PLCB1: variants seen among roughly 807,000 people sequenced by gnomAD.
PLCB1 encodes the protein phospholipase C beta 1.
PLCB1 carries 46 observed loss-of-function variants against 161.8 expected under a neutral mutation model. The observed-to-expected ratio is 0.28, with a 90% CI of 0.22 to 0.36. The LOEUF (loss-of-function observed/expected upper bound fraction) is 0.36, where lower values mean the gene tolerates loss of function less well. PLCB1 is among the 10% of genes least tolerant of loss of function. The probability of loss-of-function intolerance (pLI) is 1.00; values close to 1 mark genes in which losing one functional copy is unlikely to be tolerated. For synonymous variants in PLCB1, 517 were observed against 503.7 expected, an observed-to-expected ratio of 1.03 and a Z score of -0.35; for missense variants, 1,016 against 1,472.5, an observed-to-expected ratio of 0.69 and a Z score of 5.07.
intron 31 of PLCB1, among the ~76,000 whole-genome samples, chr20:8,821,336 A>G (rs963480170): frequency 2.0e-5 from 3 of 150,822 alleles, no homozygotes; most frequent in African/African-American, 7.3e-5. Flanking sequence ...AAAATTAGCC[A>G]GACATGGTGG....
In PLCB1 at chr20:8,328,756, T is replaced by C. The variant is rs1264027329; in HGVS notation, c.178-42626T>C. Among the ~76,000 whole-genome samples, 4 of 152,192 alleles carry C rather than the reference T, an allele frequency of 2.6e-5. No individual in the cohort carries two copies. In the South Asian group the frequency reaches 6.2e-4, roughly 24 times the overall value. ...CTGAGACAGATGCCTCAAAATAAGA[T>C]ACCTAACGGAGTACTTGCTGCTCTA... On this transcript the variant is annotated intron_variant, in intron 2 of 31. Transcript: ENST00000338037.
At chr20:8,810,075 C>G (rs1040214318) in intron 31 of PLCB1, among the ~76,000 whole-genome samples, 4 of 152,162 alleles carry the variant, frequency 2.6e-5, no homozygotes, top group African/African-American at 9.7e-5. Context: ...ACAGCAGTTT[C>G]CAGATTAAAT....
At chr20:8,838,797 T>G (rs1043307573) in intron 31 of PLCB1, among the ~76,000 whole-genome samples, 5 of 152,232 alleles carry the variant, frequency 3.3e-5, no homozygotes, top group African/African-American at 1.2e-4. Flanking sequence ...ATGGAAAGTT[T>G]AACCAGGTGG....
intron 31 of PLCB1, among the ~76,000 whole-genome samples, chr20:8,829,068 T>C (rs1185840540): frequency 2.0e-5 from 3 of 152,070 alleles, no homozygotes; most frequent in African/African-American, 7.2e-5. Context: ...ATGCTACGGG[T>C]GGAATCTATG....
chr20:8,594,552 G>C (rs934146507), intron 3 of PLCB1, among the ~76,000 whole-genome samples: 2 of 152,088 alleles, frequency 1.3e-5, no homozygotes, highest in Admixed American at 6.6e-5. Flanking sequence ...ACCACATTTT[G>C]AGTAGCCACT....
intron 2 of PLCB1, among the ~76,000 whole-genome samples, chr20:8,282,753 G>C (rs1982931587): frequency 6.6e-6 from 1 of 152,158 alleles, no homozygotes; most frequent in Admixed American, 6.6e-5. Context: ...ATAAGCCAAA[G>C]TTGGATCTTG....
chr20:8,754,308 C>A (rs560060182), intron 23 of PLCB1, among the ~76,000 whole-genome samples: 3 of 151,616 alleles, frequency 2.0e-5, no homozygotes, highest in Admixed American at 6.6e-5. Flanking sequence ...TATCTGAAAA[C>A]CTAATGCAAA....
At chr20:8,648,520 T>G (rs1989227321) in intron 6 of PLCB1, among the ~76,000 whole-genome samples, 1 of 152,186 alleles carries the variant, frequency 6.6e-6, no homozygotes, top group African/African-American at 2.4e-5. Flanking sequence ...ATTAGTATAT[T>G]AAATTGTCCA....
chr20:8,624,435 GT>G (rs1988274581), intron 3 of PLCB1, among the ~76,000 whole-genome samples: 1 of 152,118 alleles, frequency 6.6e-6, no homozygotes, highest in Non-Finnish European at 1.5e-5. Context: ...ATGAAGAGAT[GT>G]TTTATTTTGT....
intron 2 of PLCB1, among the ~76,000 whole-genome samples, chr20:8,282,666 A>G (rs1341978034): frequency 2.6e-5 from 4 of 152,194 alleles, no homozygotes; most frequent in Non-Finnish European, 4.4e-5. Context: ...AAGCATGCAA[A>G]GCAAGGGAAA....
At chr20:8,446,374 A>G (rs1479104618) in intron 3 of PLCB1, among the ~76,000 whole-genome samples, 2 of 152,122 alleles carry the variant, frequency 1.3e-5, no homozygotes, top group South Asian at 4.2e-4. Flanking sequence ...TGTTTTAAAA[A>G]CTCTCAATAA....
At position 8,846,478 on chromosome 20, in the gene PLCB1, C is replaced by A. The variant is rs959928100; in HGVS notation, c.3424-35144C>A. 7.2e-5 allele frequency among the ~76,000 whole-genome samples: 11 copies of A among 152,204 alleles called. No homozygotes were observed. The South Asian group carries it at 2.3e-3, about 32-fold the overall frequency. On this transcript the variant is annotated intron_variant, in intron 31 of 31. Transcript: ENST00000338037. ...TATGCATGCTAATCAACTTGAGGTT[C>A]TATTAAAATGCAGATTTTAATAGAG... is the stretch of plus-strand genomic sequence containing the variant.
intron 2 of PLCB1, among the ~76,000 whole-genome samples, chr20:8,301,981 T>A (rs1198196488): frequency 6.6e-6 from 1 of 152,242 alleles, no homozygotes; most frequent in East Asian, 1.9e-4. Flanking sequence ...AACTGCTTCA[T>A]ACCTAAGATA....
At chr20:8,622,208 C>A (rs1463940605) in intron 3 of PLCB1, among the ~76,000 whole-genome samples, 2 of 150,458 alleles carry the variant, frequency 1.3e-5, no homozygotes, top group East Asian at 3.9e-4. Context: ...GAGCCAAGAT[C>A]ACGCCACTGC....
At chr20:8,712,481 G>C (rs966843478) in intron 12 of PLCB1, among the ~76,000 whole-genome samples, 7 of 152,096 alleles carry the variant, frequency 4.6e-5, no homozygotes, top group African/African-American at 1.7e-4. Context: ...GCAGATTCCT[G>C]AGCTACACCC....
chr20:8,497,657 T>C (rs1983233791), intron 3 of PLCB1, among the ~76,000 whole-genome samples: 1 of 152,232 alleles, frequency 6.6e-6, no homozygotes, highest in Non-Finnish European at 1.5e-5. Flanking sequence ...TTATGATCCA[T>C]GTATTGCCTT....
At chr20:8,310,263 A>G (rs903494819) in intron 2 of PLCB1, among the ~76,000 whole-genome samples, 1 of 152,170 alleles carries the variant, frequency 6.6e-6, no homozygotes, top group African/African-American at 2.4e-5. Flanking sequence ...TTTCTAATCA[A>G]TTTGAATCAT....
Position 8,589,608 on chromosome 20 carries a change from CTCTTTT to C in PLCB1, c.247-38684_247-38679del, listed in dbSNP as rs1987088967. Reference sequence around the variant, plus strand: ...AAGGCTCTCTCTGGGGTCAATCTCTCTCTTTTTTTTTTTTTTTTTTTTTTTTGAGAC... The same window carrying C: ...AAGGCTCTCTCTGGGGTCAATCTCTCTTTTTTTTTTTTTTTTTTTTGAGAC... On this transcript the variant is annotated intron_variant, in intron 3 of 31. Transcript: ENST00000338037. Among the ~76,000 whole-genome samples, 4 of 131,364 alleles carry C rather than the reference CTCTTTT, an allele frequency of 3.0e-5. No homozygotes were observed. The South Asian group carries it at 1.0e-3, about 34-fold the overall frequency. The allele number at this position is 131,364 out of a possible 152,430, so 86.2% of individuals were successfully genotyped here. A position where few individuals can be genotyped will look rare whatever the true frequency, so the allele number is the denominator to read the frequency against.
In PLCB1 at chr20:8,168,478, A is replaced by T. The variant is rs1027404405; in HGVS notation, c.177+18107A>T. Among the ~76,000 whole-genome samples, 4 of 152,210 alleles carry T rather than the reference A, an allele frequency of 2.6e-5. No individual in the cohort carries two copies. In the East Asian group the frequency reaches 7.7e-4, roughly 29 times the overall value. ...GTGGGTGTCTCTCACCATACCCTAG[A>T]CTTGGAGGTCCCTGATAGGTGTTCT... On this transcript the variant is annotated intron_variant, in intron 2 of 31. Coordinates refer to ENST00000338037, the MANE Select transcript of PLCB1 (RefSeq NM_015192.4).
Sources: allele counts gnomAD v4.1 joint callset (sites outside exome capture counted in the v4.1 genomes callset), GRCh38; gene constraint gnomAD v4.1.1; transcripts MANE v1.5; gene names NCBI Gene and HGNC (gene_info 2026-07-23, HGNC 2026-07-21).